ME1: variants seen among roughly 807,000 people sequenced by gnomAD.
ME1 encodes the protein malic enzyme 1, also known as NADP-dependent malic enzyme.
A neutral mutation model predicts 66.4 loss-of-function variants in ME1; 74 were observed. The ratio of observed to expected loss-of-function variants is 1.11; its 90% CI spans 0.92 to 1.35. The LOEUF (loss-of-function observed/expected upper bound fraction) is 1.35. Among genes scored for constraint, ME1 ranks in the 40% most tolerant of loss-of-function variants. ME1 has a pLI of 0.00. For missense variants in ME1, 750 were observed against 694.1 expected (o/e 1.08, Z -0.90); for synonymous variants, 251 against 235.6 (o/e 1.07, Z -0.60).
At chr6:83,366,273 C>A (rs1769099161) in intron 3 of ME1, among the ~76,000 whole-genome samples, 1 of 152,170 alleles carries the variant, frequency 6.6e-6, no homozygotes, top group Admixed American at 6.5e-5. Context: ...TAATTGCTTA[C>A]CAGAGGCAGT....
intron 7 of ME1, among the ~76,000 whole-genome samples, chr6:83,252,997 C>A (rs1790749385): frequency 6.6e-6 from 1 of 152,140 alleles, no homozygotes; most frequent in African/African-American, 2.4e-5. Flanking sequence ...AATCTCATTT[C>A]AAGTTGCAAA....
At chr6:83,251,403 G>C (rs1790723298) in intron 7 of ME1, among the ~76,000 whole-genome samples, 1 of 151,948 alleles carries the variant, frequency 6.6e-6, no homozygotes, top group Admixed American at 6.6e-5. Context: ...GCTGAGGCAA[G>C]AGAATCACTG....
chr6:83,268,803 G>A (rs1264235956), intron 6 of ME1, among the ~76,000 whole-genome samples: 1 of 151,070 alleles, frequency 6.6e-6, no homozygotes, highest in Non-Finnish European at 1.5e-5. Flanking sequence ...TGTTGCCCAG[G>A]CTGGTCTTGA....
intron 5 of ME1, among the ~76,000 whole-genome samples, chr6:83,333,157 A>G (rs1162402674): frequency 6.6e-6 from 1 of 152,192 alleles, no homozygotes; most frequent in Non-Finnish European, 1.5e-5. Context: ...TTGTATTTAA[A>G]GGGGATTTAC....
chr6:83,389,522 T>TAGGA (rs1471040123), intron 3 of ME1, among the ~76,000 whole-genome samples: 2 of 152,122 alleles, frequency 1.3e-5, no homozygotes, highest in Non-Finnish European at 2.9e-5. Flanking sequence ...ATATCAAAAG[T>TAGGA]AGGAACATGA....
intron 12 of ME1, among the ~76,000 whole-genome samples, chr6:83,221,384 T>C (rs1194308442): frequency 6.6e-6 from 1 of 152,208 alleles, no homozygotes; most frequent in Non-Finnish European, 1.5e-5. Context: ...GCTTAGATCA[T>C]TGGAGAATAA....
intron 2 of ME1, among the ~76,000 whole-genome samples, chr6:83,406,683 T>C (rs1011117525): frequency 1.1e-4 from 17 of 152,210 alleles, no homozygotes; most frequent in African/African-American, 3.4e-4. Flanking sequence ...TGGATGTTTC[T>C]GCACAGGTGT....
chr6:83,237,363 G>GA (rs1790433924), intron 9 of ME1, among the ~76,000 whole-genome samples: 2 of 140,680 alleles, frequency 1.4e-5, no homozygotes, highest in African/African-American at 5.3e-5. Context: ...AAGAAAGAAA[G>GA]AAAGAAAGAA....
At chr6:83,281,860 A>AAAAAAAAAAAAAAAAAAAAAAAAC (rs1767300834) in intron 6 of ME1, among the ~76,000 whole-genome samples, 1 of 136,658 alleles carries the variant, frequency 7.3e-6, no homozygotes, top group African/African-American at 3.1e-5. Context: ...AAAGAGAAAA[A>AAAAAAAAAAAAAAAAAAAAAAAAC]AAAAAAGAGA....
chr6:83,365,668 A>G (rs1583403060), intron 3 of ME1, among the ~76,000 whole-genome samples: 1 of 152,152 alleles, frequency 6.6e-6, no homozygotes, highest in East Asian at 1.9e-4. Context: ...CTTACTAGCT[A>G]TACTTCGATT....
At chr6:83,321,706 G>C (rs73474713) in intron 5 of ME1, among the ~76,000 whole-genome samples, 9 of 152,316 alleles carry the variant, frequency 5.9e-5, no homozygotes, top group South Asian at 4.1e-4. Context: ...CTGAGGCAAA[G>C]GGCAGCTGTG....
chr6:83,387,391 T>C (rs1441595268), intron 3 of ME1, among the ~76,000 whole-genome samples: 1 of 152,108 alleles, frequency 6.6e-6, no homozygotes, highest in Non-Finnish European at 1.5e-5. Context: ...TTTTTAAGCT[T>C]CTTTTCTTGC....
chr6:83,237,714 TA>T lies in ME1; in HGVS notation c.1026+2del, dbSNP rs1275406401. ...ATTCTGGTTAAAAATGACAAATTCTTACCTTAACTATTAATCCTTTTGAATC... is the reference window on the plus strand; with the variant it reads ...ATTCTGGTTAAAAATGACAAATTCTTCCTTAACTATTAATCCTTTTGAATC... On this transcript the variant is annotated splice_donor_variant, in intron 9 of 13. Transcript: ENST00000369705. LOFTEE classifies it high-confidence loss of function. 5.2e-6 allele frequency: 8 copies of T among 1,539,660 alleles called. No homozygotes were observed. Among genetic ancestry groups the T allele is most frequent in the Non-Finnish European group, 7.1e-6 (8 of 1,123,476 alleles).
intron 6 of ME1, among the ~76,000 whole-genome samples, chr6:83,273,051 C>T (rs755984388): frequency 2.0e-5 from 3 of 151,688 alleles, no homozygotes; most frequent in Admixed American, 6.6e-5. Flanking sequence ...GTGGTGGGCA[C>T]CTGTAATCCC....
At chr6:83,378,504 A>G (rs186852675) in intron 3 of ME1, among the ~76,000 whole-genome samples, 5 of 152,238 alleles carry the variant, frequency 3.3e-5, no homozygotes, top group East Asian at 1.9e-4. Context: ...AGATACAATG[A>G]AAGTTACATA....
At chr6:83,230,100 A>T (rs1395994231) in intron 9 of ME1, among the ~76,000 whole-genome samples, 1 of 151,362 alleles carries the variant, frequency 6.6e-6, no homozygotes, top group Non-Finnish European at 1.5e-5. Context: ...CACTAGGATT[A>T]TAGGCGTGAG....
intron 1 of ME1, among the ~76,000 whole-genome samples, chr6:83,429,411 C>T (rs1770439602): frequency 2.6e-5 from 4 of 152,198 alleles, no homozygotes; most frequent in African/African-American, 9.7e-5. Context: ...TTATACAACT[C>T]ATGTGGTCCT....
At chr6:83,282,497 C>A (rs1005563054) in intron 6 of ME1, among the ~76,000 whole-genome samples, 8 of 151,988 alleles carry the variant, frequency 5.3e-5, no homozygotes, top group African/African-American at 1.9e-4. Flanking sequence ...ATGTGGCCAA[C>A]AAACATGAAA....
At chr6:83,388,075 TTTCC>T (rs1163450938) in intron 3 of ME1, among the ~76,000 whole-genome samples, 2 of 139,974 alleles carry the variant, frequency 1.4e-5, no homozygotes, top group East Asian at 2.0e-4. Context: ...TTCTTCCTTC[TTTCC>T]TTCCTTCCTT....
Sources: gnomAD v4.1 joint callset for allele counts (sites outside exome capture counted in the v4.1 genomes callset) on GRCh38, gnomAD v4.1.1 for gene constraint, MANE v1.5 for transcripts, NCBI Gene and HGNC (gene_info 2026-07-23, HGNC 2026-07-21) for gene names.